RSU1: variants seen among roughly 807,000 people sequenced by gnomAD.
RSU1 encodes the protein rsu-1.
Under a neutral mutation model 31.1 loss-of-function variants are expected in RSU1, and 26 were observed. The observed-to-expected ratio is 0.84, with a 90% CI of 0.61 to 1.16. The LOEUF is 1.16. Among genes scored for constraint, RSU1 ranks in the 50% most tolerant of loss-of-function variants. The pLI is 0.00. For missense variants in RSU1, 320 were observed against 339.1 expected, an observed-to-expected ratio of 0.94 and a Z score of 0.44; for synonymous variants, 164 against 136.3, an observed-to-expected ratio of 1.20 and a Z score of -1.41.
intron 8 of RSU1, among the ~76,000 whole-genome samples, chr10:16,637,359 A>G (rs1017911390): frequency 5.3e-5 from 8 of 152,072 alleles, no homozygotes; most frequent in Non-Finnish European, 4.4e-5. Context: ...CCATCTACCA[A>G]CCTGTGCAGC....
intron 4 of RSU1, among the ~76,000 whole-genome samples, chr10:16,761,733 G>A: frequency 6.6e-6 from 1 of 152,168 alleles, no homozygotes; most frequent in East Asian, 1.9e-4. Flanking sequence ...GCAGGCGCCT[G>A]TAGTCCCAGC....
At chr10:16,597,830 TC>T (rs1364736619) in intron 8 of RSU1, among the ~76,000 whole-genome samples, 1 of 152,224 alleles carries the variant, frequency 6.6e-6, no homozygotes, top group Non-Finnish European at 1.5e-5. Flanking sequence ...ATGGCCCACT[TC>T]CTCAGTGAGT....
At chr10:16,594,648 GATAT>G (rs1833578079) in intron 8 of RSU1, among the ~76,000 whole-genome samples, 1 of 141,938 alleles carries the variant, frequency 7.0e-6, no homozygotes, top group Non-Finnish European at 1.5e-5. Flanking sequence ...TGATATATAT[GATAT>G]ATATCATATA....
Position 16,801,807 on chromosome 10 carries a change from T to G in RSU1, c.109+15166A>C, listed in dbSNP as rs139279262. Among the ~76,000 whole-genome samples the G allele has an allele frequency of 3.2e-3, 490 of 152,204 alleles. 2 individuals carry two copies. Among genetic ancestry groups the G allele is most frequent in the African/African-American group, 0.011 (468 of 41,552 alleles). On this transcript the variant is annotated intron_variant, in intron 2 of 8. Coordinates refer to ENST00000345264, the MANE Select transcript of RSU1 (RefSeq NM_012425.4). Reference sequence around the variant, plus strand: ...AACATGTCAAAGAAATGTCAAAAAATTTTTAAAAATATTTTAATTAAATGA... The same window carrying G: ...AACATGTCAAAGAAATGTCAAAAAAGTTTTAAAAATATTTTAATTAAATGA...
intron 7 of RSU1, among the ~76,000 whole-genome samples, chr10:16,717,083 A>C (rs1302673943): frequency 6.6e-6 from 1 of 152,220 alleles, no homozygotes; most frequent in Admixed American, 6.5e-5. Flanking sequence ...TTTACATATA[A>C]ATACCCTTGA....
intron 2 of RSU1, among the ~76,000 whole-genome samples, chr10:16,799,846 G>A (rs2131669946): frequency 6.6e-6 from 1 of 152,290 alleles, no homozygotes; most frequent in South Asian, 2.1e-4. Context: ...GGGGCGGGGA[G>A]GGGATGCGGG....
At chr10:16,644,283 T>C (rs747333225) in intron 8 of RSU1, among the ~76,000 whole-genome samples, 52 of 152,170 alleles carry the variant, frequency 3.4e-4, no homozygotes, top group Non-Finnish European at 6.0e-4. Flanking sequence ...GAAGTTCATG[T>C]TTTCAAAGTG....
At chr10:16,676,916 A>T (rs928131095) in intron 8 of RSU1, among the ~76,000 whole-genome samples, 1 of 152,208 alleles carries the variant, frequency 6.6e-6, no homozygotes, top group South Asian at 2.1e-4. Context: ...AATTAGAATC[A>T]GGGTGAATTG....
intron 7 of RSU1, among the ~76,000 whole-genome samples, chr10:16,722,073 G>C (rs1836274935): frequency 6.6e-6 from 1 of 152,186 alleles, no homozygotes; most frequent in South Asian, 2.1e-4. Context: ...GTTGAGTCCA[G>C]TATGAAGAGA....
intron 8 of RSU1, among the ~76,000 whole-genome samples, chr10:16,618,999 T>G (rs932291536): frequency 2.6e-5 from 4 of 152,198 alleles, no homozygotes; most frequent in African/African-American, 9.6e-5. Flanking sequence ...AAATTATAAA[T>G]AAAATGGGCA....
chr10:16,763,498 G>C (rs993095908), intron 4 of RSU1, among the ~76,000 whole-genome samples: 3 of 152,192 alleles, frequency 2.0e-5, no homozygotes, highest in Non-Finnish European at 4.4e-5. Flanking sequence ...AGTACCAAGA[G>C]GGGATAGTGC....
chr10:16,732,173 C>T (rs1836526575), intron 7 of RSU1, among the ~76,000 whole-genome samples: 1 of 152,160 alleles, frequency 6.6e-6, no homozygotes, highest in Non-Finnish European at 1.5e-5. Context: ...AGACCATAGC[C>T]TAACAACAGT....
At chr10:16,742,706 C>G (rs1836777374) in intron 7 of RSU1, among the ~76,000 whole-genome samples, 1 of 152,190 alleles carries the variant, frequency 6.6e-6, no homozygotes, top group Non-Finnish European at 1.5e-5. Context: ...AGGAAGTCCA[C>G]TGCACACAGT....
At chr10:16,704,458 T>C (rs1835855002) in intron 7 of RSU1, among the ~76,000 whole-genome samples, 2 of 152,320 alleles carry the variant, frequency 1.3e-5, no homozygotes, top group African/African-American at 4.8e-5. Context: ...TAAAAACCAA[T>C]TTATCTGGCT....
At chr10:16,811,072 T>C (rs1294834297) in intron 2 of RSU1, among the ~76,000 whole-genome samples, 5 of 152,146 alleles carry the variant, frequency 3.3e-5, no homozygotes, top group African/African-American at 1.2e-4. Context: ...TCCCACGAGA[T>C]AACAATAATG....
At chr10:16,765,849 G>A (rs74125870) in intron 3 of RSU1, among the ~76,000 whole-genome samples, 4,644 of 152,246 alleles carry the variant, frequency 0.031, 167 homozygotes, top group East Asian at 0.13. Context: ...CCTGCTTCCT[G>A]CAGTCAGACC....
intron 2 of RSU1, among the ~76,000 whole-genome samples, chr10:16,810,755 T>C (rs1838390964): frequency 6.6e-6 from 1 of 152,186 alleles, no homozygotes; most frequent in African/African-American, 2.4e-5. Flanking sequence ...CGCTTAATAA[T>C]GTTTCACTCA....
chr10:16,705,347 C>G (rs1309817084), intron 7 of RSU1, among the ~76,000 whole-genome samples: 1 of 152,062 alleles, frequency 6.6e-6, no homozygotes, highest in Non-Finnish European at 1.5e-5. Context: ...TTCATATAAC[C>G]TATACACATC....
At chr10:16,729,490 A>C (rs1836460215) in intron 7 of RSU1, among the ~76,000 whole-genome samples, 1 of 152,156 alleles carries the variant, frequency 6.6e-6, no homozygotes, top group Non-Finnish European at 1.5e-5. Context: ...TGAAGGCTAG[A>C]TAGTCAAGGA....
Sources: allele counts gnomAD v4.1 joint callset (sites outside exome capture counted in the v4.1 genomes callset), GRCh38; gene constraint gnomAD v4.1.1; transcripts MANE v1.5; gene names NCBI Gene and HGNC (gene_info 2026-07-23, HGNC 2026-07-21).